FAM135A: variants seen among roughly 807,000 people sequenced by gnomAD.
FAM135A encodes protein FAM135A.
In FAM135A, 79 loss-of-function variants were observed where a neutral mutation model predicts 146.8. The ratio of observed to expected loss-of-function variants is 0.54; its 90% confidence interval spans 0.45 to 0.65. The LOEUF is 0.65. FAM135A is among the 30% of genes least tolerant of loss of function. FAM135A has a pLI of 0.00. For missense variants in FAM135A, 1,623 were observed against 1,758.2 expected, an observed-to-expected ratio of 0.92 and a Z score of 1.38; for synonymous variants, 562 against 603.6, an observed-to-expected ratio of 0.93 and a Z score of 1.01.
intron 4 of FAM135A, among the ~76,000 whole-genome samples, chr6:70,437,558 G>A (rs747862579): frequency 3.2e-4 from 48 of 152,144 alleles, no homozygotes; most frequent in Admixed American, 1.3e-3. Context: ...AAGTTTGCAG[G>A]AAAGTTGTAG....
chr6:70,548,017 A>G (rs960735483), intron 20 of FAM135A, among the ~76,000 whole-genome samples: 41 of 152,204 alleles, frequency 2.7e-4, no homozygotes, highest in African/African-American at 9.6e-4. Flanking sequence ...AGGTAGGTGT[A>G]GAAAAGATAA....
chr6:70,420,698 TA>T (rs1768621318), intron 2 of FAM135A, among the ~76,000 whole-genome samples: 1 of 152,168 alleles, frequency 6.6e-6, no homozygotes, highest in African/African-American at 2.4e-5. Flanking sequence ...TAACCACATT[TA>T]AAAAATTAAA....
chr6:70,497,930 A>G (rs540439512), intron 11 of FAM135A, among the ~76,000 whole-genome samples: 1 of 151,992 alleles, frequency 6.6e-6, no homozygotes, highest in Non-Finnish European at 1.5e-5. Context: ...TTGACTTGAA[A>G]TTTTCTTTTT....
intron 12 of FAM135A, among the ~76,000 whole-genome samples, chr6:70,514,829 T>G (rs956855940): frequency 1.3e-5 from 2 of 152,228 alleles, no homozygotes; most frequent in Admixed American, 6.5e-5. Flanking sequence ...CCAGTTTCTT[T>G]CAGTGAAAAT....
At chr6:70,544,108 T>TAA (rs34753260) in intron 20 of FAM135A, among the ~76,000 whole-genome samples, 372 of 145,618 alleles carry the variant, frequency 2.6e-3, no homozygotes, top group Admixed American at 3.6e-3. Flanking sequence ...TAGTAAATGG[T>TAA]AAAAAAAAAA....
intron 21 of FAM135A, 74 bp downstream of exon 21, chr6:70,556,937 TTCTC>T: frequency 2.0e-6 from 2 of 1,021,910 alleles, no homozygotes; most frequent in Non-Finnish European, 3.0e-6. Context: ...TGTAGTCACT[TTCTC>T]TCGTATCTGT....
intron 4 of FAM135A, among the ~76,000 whole-genome samples, chr6:70,441,905 G>T (rs1047221835): frequency 6.6e-6 from 1 of 151,806 alleles, no homozygotes. Context: ...GGCTGGTCTC[G>T]TACTCCTGAC....
intron 11 of FAM135A, among the ~76,000 whole-genome samples, chr6:70,501,664 CTG>C (rs757330503): frequency 3.1e-4 from 47 of 152,334 alleles, no homozygotes; most frequent in Admixed American, 4.6e-4. Context: ...ATTGCAAAAA[CTG>C]TGGGGAAAGC....
chr6:70,474,360 C>T (rs1367644476), intron 5 of FAM135A, among the ~76,000 whole-genome samples: 1 of 152,050 alleles, frequency 6.6e-6, no homozygotes, highest in Non-Finnish European at 1.5e-5. Flanking sequence ...GTTGGAGTGA[C>T]ATCAATGACC....
At chr6:70,541,764 G>T (rs561904075) in intron 20 of FAM135A, among the ~76,000 whole-genome samples, 1 of 152,242 alleles carries the variant, frequency 6.6e-6, no homozygotes, top group Non-Finnish European at 1.5e-5. Flanking sequence ...TTCAAATCTA[G>T]TGTTTTCAGA....
chr6:70,506,580 C>G (rs1171891761), intron 12 of FAM135A, among the ~76,000 whole-genome samples: 1 of 152,016 alleles, frequency 6.6e-6, no homozygotes, highest in African/African-American at 2.4e-5. Context: ...CATTATAAAG[C>G]TAAGAGGAGA....
At chr6:70,549,765 A>G (rs1799484935) in intron 20 of FAM135A, among the ~76,000 whole-genome samples, 6 of 152,292 alleles carry the variant, frequency 3.9e-5, no homozygotes, top group Non-Finnish European at 7.4e-5. Flanking sequence ...AATTACAACA[A>G]CGAGGTTTGC....
chr6:70,424,038 A>G (rs1486936651), intron 2 of FAM135A, among the ~76,000 whole-genome samples: 1 of 152,258 alleles, frequency 6.6e-6, no homozygotes, highest in Non-Finnish European at 1.5e-5. Context: ...TTTCATGAGA[A>G]TGATGAAGAT....
rs751980002 is a variant in FAM135A at position 70,491,066 on chromosome 6, C to G, written c.856C>G (p.Leu286Val). 2 of 1,602,686 alleles carry G rather than the reference C, an allele frequency of 1.2e-6. No homozygotes were observed. Among genetic ancestry groups the G allele is most frequent in the East Asian group, 4.5e-5 (2 of 44,056 alleles). The stretch of plus-strand genomic sequence containing the variant: ...GGATGTAGAAGCTCGACTTACTGAA[C>G]TATGTGAAGAAGTTAAGGTACTTGG... ...EMDVEARLTE[L>V]CEEVKKIENP... The change falls in exon 11 of 22, where the codon CTA (leucine) becomes GTA (valine). Residue 286 changes from leucine to valine, a missense_variant. Leu to Val is a conservative substitution (Grantham distance 32, BLOSUM62 1). Around this residue, in one of 7 missense-constraint regions of FAM135A, gnomAD observed 206 missense variants for 194.7 expected, o/e 1.06. Coordinates refer to ENST00000418814, the MANE Select transcript of FAM135A (RefSeq NM_001162529.3).
chr6:70,526,642 C>T lies in FAM135A; in HGVS notation c.3558C>T (p.Tyr1186=), dbSNP rs988617853. The T allele has an allele frequency of 1.9e-6, 3 of 1,609,870 alleles. No individual in the cohort carries two copies. The highest frequency in any genetic ancestry group is 1.7e-5 in the Admixed American group (1 of 59,378). Reference sequence around the variant, plus strand: ...CAAAGCAGCCAAGCAGTACTTCTTACAACTTCACTTCTTCGATTTCCTGGT... The same window carrying T: ...CAAAGCAGCCAAGCAGTACTTCTTATAACTTCACTTCTTCGATTTCCTGGT... ...AITKQPSSTS[Y]NFTSSISWYE... is the part of the protein sequence containing the mutation. The change falls in exon 15 of 22, where the codon TAC becomes TAT. Residue 1186 remains tyrosine, a synonymous_variant. Coordinates refer to ENST00000418814, the MANE Select transcript of FAM135A (RefSeq NM_001162529.3).
At chr6:70,493,873 C>T (rs565490174) in intron 11 of FAM135A, among the ~76,000 whole-genome samples, 4 of 151,832 alleles carry the variant, frequency 2.6e-5, no homozygotes, top group Admixed American at 6.6e-5. Context: ...GCCAACATGG[C>T]GAAACCACAT....
At chr6:70,524,183 A>G (rs1257155643) in intron 14 of FAM135A, 62 bp downstream of exon 14, 1 of 1,484,868 alleles carries the variant, frequency 6.7e-7, no homozygotes, top group Non-Finnish European at 9.1e-7. Context: ...ATTCTTCCTA[A>G]TATACATAAA....
chr6:70,475,347 G>A (rs901328898), intron 5 of FAM135A, 63 bp from the exon 6 acceptor site: 1 of 1,309,120 alleles, frequency 7.6e-7, no homozygotes, highest in Non-Finnish European at 1.0e-6. Flanking sequence ...TAAAGTACAA[G>A]TGTTAATTTG....
rs1768167249 is a variant in FAM135A at position 70,418,994 on chromosome 6, G to A, written c.-134+3618G>A. On this transcript the variant is annotated intron_variant, in intron 2 of 21. Coordinates refer to ENST00000418814, the MANE Select transcript of FAM135A (RefSeq NM_001162529.3). ...TGTGCTATAGGTGACTGGGATTTAGGAAAGATGGCAGCTAGGTGTACCTTC... is the reference window on the plus strand; with the variant it reads ...TGTGCTATAGGTGACTGGGATTTAGAAAAGATGGCAGCTAGGTGTACCTTC... Among the ~76,000 whole-genome samples the A allele has an allele frequency of 2.0e-5, 3 of 152,334 alleles. No individual in the cohort carries two copies. In the South Asian group the frequency reaches 6.2e-4, roughly 32 times the overall value.
Sources: allele counts gnomAD v4.1 joint callset (sites outside exome capture counted in the v4.1 genomes callset), GRCh38; gene constraint gnomAD v4.1.1; regional missense constraint gnomAD v4.1.1; transcripts MANE v1.5; gene names NCBI Gene and HGNC (gene_info 2026-07-23, HGNC 2026-07-21).